The following ATP9B variants were observed in gnomAD, a reference collection of about 807,000 sequenced individuals.
ATP9B encodes the protein probable phospholipid-transporting ATPase IIB.
ATP9B carries 110 observed loss-of-function variants against 146.1 expected under a neutral mutation model. The observed-to-expected ratio is 0.75, with a 90% CI of 0.65 to 0.88. The LOEUF (loss-of-function observed/expected upper bound fraction) is 0.88, where lower values mean the gene tolerates loss of function less well. ATP9B is among the 40% of genes least tolerant of loss of function. The pLI is 0.00. For synonymous variants in ATP9B, 604 were observed against 569.7 expected (o/e 1.06, Z -0.86); for missense variants, 1,499 against 1,496.4 (o/e 1.00, Z -0.03).
chr18:79,256,146 GTC>G (rs1350290863), intron 12 of ATP9B, among the ~76,000 whole-genome samples: 1 of 150,476 alleles, frequency 6.6e-6, no homozygotes, highest in Non-Finnish European at 1.5e-5. Flanking sequence ...GTGCTTTACT[GTC>G]TTTTTTTTAA....
chr18:79,206,424 T>C (rs1260887591), intron 9 of ATP9B, among the ~76,000 whole-genome samples: 4 of 152,178 alleles, frequency 2.6e-5, no homozygotes, highest in Admixed American at 6.5e-5. Flanking sequence ...AAAGAAATGT[T>C]GAAGAGTTGA....
At chr18:79,200,729 CT>C (rs573540217) in intron 9 of ATP9B, among the ~76,000 whole-genome samples, 7 of 151,788 alleles carry the variant, frequency 4.6e-5, no homozygotes, top group African/African-American at 1.5e-4. Context: ...GAGGTGGGGA[CT>C]GTCGGGGTCA....
At chr18:79,349,970 G>A (rs1170976774) in intron 25 of ATP9B, among the ~76,000 whole-genome samples, 2 of 144,168 alleles carry the variant, frequency 1.4e-5, no homozygotes, top group African/African-American at 2.6e-5. Context: ...ATTCTCCTGC[G>A]TGCTCTACAA....
At chr18:79,072,041 T>C (rs1201437704) in intron 1 of ATP9B, among the ~76,000 whole-genome samples, 1 of 152,118 alleles carries the variant, frequency 6.6e-6, no homozygotes, top group East Asian at 1.9e-4. Flanking sequence ...TTGGATCTTA[T>C]GTTGGTGTTT....
At chr18:79,238,666 C>A (rs545959426) in intron 11 of ATP9B, among the ~76,000 whole-genome samples, 1 of 152,190 alleles carries the variant, frequency 6.6e-6, no homozygotes, top group Non-Finnish European at 1.5e-5. Context: ...TGTGGCGCCC[C>A]GGCCTGTCCT....
chr18:79,159,742 T>A (rs377347647), intron 7 of ATP9B, among the ~76,000 whole-genome samples: 35 of 152,306 alleles, frequency 2.3e-4, no homozygotes, highest in African/African-American at 8.4e-4. Flanking sequence ...TGTCCTTTGC[T>A]TTGCAGCCAA....
In ATP9B at chr18:79,337,370, T is replaced by C; in HGVS notation, c.2204T>C (p.Leu735Pro). 2 of 1,614,118 alleles carry C rather than the reference T, an allele frequency of 1.2e-6. No homozygotes were observed. The highest frequency in any genetic ancestry group is 1.7e-6 in the Non-Finnish European group (2 of 1,180,040). The change falls in exon 19 of 30, where the codon CTG (leucine) becomes CCG (proline). Residue 735 changes from leucine to proline, a missense_variant. Coordinates refer to ENST00000426216, the MANE Select transcript of ATP9B (RefSeq NM_198531.5). ...VESLEREMEL[L>P]CLTGVEDQLQ... ...AGCCTGGAGAGGGAGATGGAACTGC[T>C]GTGCCTCACCGGCGTGGAGGACCAG...
At position 79,143,808 on chromosome 18, in the gene ATP9B, T is replaced by C. The variant is rs1189840265; in HGVS notation, c.674T>C (p.Val225Ala). 6.3e-7 allele frequency: 1 copy of C among 1,578,038 alleles called. No homozygotes were observed. The highest frequency in any genetic ancestry group is 1.7e-4 in the Middle Eastern group (1 of 5,940). ...LYSKLTVRGK[V>A]QVKSSDIQVG... The stretch of plus-strand genomic sequence containing the variant: ...TACTTCTTCTTTTTTTAAGGTAAAG[T>C]GCAAGTTAAGAGTTCAGACATACAA... Residue 225 changes from valine to alanine, a missense_variant, in exon 6 of 30, where the codon GTG (valine) becomes GCG (alanine). Physicochemically the swap from Val to Ala is moderately conservative, Grantham distance 64. Coordinates refer to ENST00000426216, the MANE Select transcript of ATP9B (RefSeq NM_198531.5).
At position 79,344,369 on chromosome 18, in the gene ATP9B, T is replaced by C. The variant is rs199771111; in HGVS notation, c.2472+15T>C. 1,123 of 1,611,114 alleles carry C rather than the reference T, an allele frequency of 7.0e-4. 1 individual carries two copies. Among genetic ancestry groups the C allele is most frequent in the Admixed American group, 1.4e-3 (81 of 59,974 alleles). On this transcript the variant is annotated intron_variant, in intron 21 of 29. Transcript: ENST00000426216. Reference sequence around the variant, plus strand: ...ACTCTCTGGAGGTAAGGCTGGACCCTGAGTGAGTACATGTCTGTCTGTGTC... The same window carrying C: ...ACTCTCTGGAGGTAAGGCTGGACCCCGAGTGAGTACATGTCTGTCTGTGTC...
intron 15 of ATP9B, among the ~76,000 whole-genome samples, chr18:79,324,706 C>A (rs1037454774): frequency 6.6e-6 from 1 of 152,160 alleles, no homozygotes; most frequent in African/African-American, 2.4e-5. Flanking sequence ...GCTCTTTTCC[C>A]TTAAATATGG....
At chr18:79,205,834 C>T (rs532595509) in intron 9 of ATP9B, among the ~76,000 whole-genome samples, 2 of 152,062 alleles carry the variant, frequency 1.3e-5, no homozygotes, top group African/African-American at 4.8e-5. Flanking sequence ...ATATTGCTGT[C>T]GTGATACTGA....
chr18:79,329,161 A>T lies in ATP9B; in HGVS notation c.1794A>T (p.Thr598=). ...CGTAGGTCGCTCTGGTGCAGTGGAC[A>T]GAGAGTGTGGGCCTCACGCTGGTCA... The part of the protein sequence containing the change: ...SPDEVALVQW[T]ESVGLTLVSR... Residue 598 remains threonine (T), a synonymous_variant, in exon 16 of 30, where the codon ACA becomes ACT. Coordinates refer to ENST00000426216, the MANE Select transcript of ATP9B (RefSeq NM_198531.5). 2 of 1,606,464 alleles carry T rather than the reference A, an allele frequency of 1.2e-6. No individual in the cohort carries two copies. Among genetic ancestry groups the T allele is most frequent in the Non-Finnish European group, 1.7e-6 (2 of 1,177,330 alleles).
chr18:79,341,619 ATGTG>A, intron 19 of ATP9B, among the ~76,000 whole-genome samples: 1 of 136,138 alleles, frequency 7.3e-6, no homozygotes, highest in Admixed American at 7.6e-5. Flanking sequence ...TTGTGGTTGG[ATGTG>A]TGTAGCGTGA....
In ATP9B at chr18:79,361,790, G is replaced by A. The variant is rs909767381; in HGVS notation, c.3012+2328G>A. The A allele has an allele frequency of 4.1e-6, 4 of 985,318 alleles. No homozygotes were observed. In the African/African-American group the frequency reaches 7.0e-5, roughly 17 times the overall value. 61.0% of individuals were successfully genotyped at this position (985,318 alleles called of 1,614,324 possible). On this transcript the variant is annotated intron_variant, in intron 26 of 29. Transcript: ENST00000426216. The stretch of plus-strand genomic sequence containing the variant: ...ACTCTGCGTTGTTGTCTGATGATCG[G>A]GGCAGCTGGAGACTGGATGTGCCAA...
At chr18:79,153,890 C>T (rs1267206938) in intron 6 of ATP9B, among the ~76,000 whole-genome samples, 2 of 151,902 alleles carry the variant, frequency 1.3e-5, no homozygotes, top group Non-Finnish European at 2.9e-5. Flanking sequence ...TCAAGTGATC[C>T]TCCCGTGTTG....
chr18:79,177,520 G>C (rs1227064043), intron 8 of ATP9B, among the ~76,000 whole-genome samples: 2 of 152,036 alleles, frequency 1.3e-5, no homozygotes. Flanking sequence ...TGGGATTACA[G>C]GTTTGAGCCA....
At chr18:79,247,039 A>G (rs2095974748) in intron 11 of ATP9B, among the ~76,000 whole-genome samples, 1 of 152,234 alleles carries the variant, frequency 6.6e-6, no homozygotes, top group Non-Finnish European at 1.5e-5. Flanking sequence ...ATGTTATCAC[A>G]TGCATATTTT....
intron 15 of ATP9B, among the ~76,000 whole-genome samples, chr18:79,318,904 C>T (rs1428413419): frequency 1.3e-5 from 2 of 152,212 alleles, no homozygotes; most frequent in Non-Finnish European, 2.9e-5. Flanking sequence ...AATATTTCCT[C>T]TGCAGAACGA....
intron 23 of ATP9B, among the ~76,000 whole-genome samples, chr18:79,347,275 T>C (rs2096894922): frequency 6.6e-6 from 1 of 152,272 alleles, no homozygotes; most frequent in African/African-American, 2.4e-5. Context: ...GCGTGGCTTT[T>C]TCCTTGGCTA....
Sources: gnomAD v4.1 joint callset for allele counts (sites outside exome capture counted in the v4.1 genomes callset) on GRCh38, gnomAD v4.1.1 for gene constraint, MANE v1.5 for transcripts, NCBI Gene and HGNC (gene_info 2026-07-23, HGNC 2026-07-21) for gene names.